LIN28B: variants seen among roughly 807,000 people sequenced by gnomAD.
The protein encoded by LIN28B is protein lin-28 homolog B.
Under a neutral mutation model 21.9 loss-of-function variants are expected in LIN28B, and 5 were observed. That is an observed-to-expected ratio of 0.23 (90% CI 0.12 to 0.48). The LOEUF is 0.48. Ranked by LOEUF, LIN28B falls within the 20% of genes least tolerant of loss-of-function variation. The probability of loss-of-function intolerance (pLI) is 0.98; values close to 1 mark genes in which losing one functional copy is unlikely to be tolerated. For missense variants in LIN28B, 245 were observed against 310.5 expected (o/e 0.79, Z 1.58); for synonymous variants, 109 against 111.3 (o/e 0.98, Z 0.13).
intron 3 of LIN28B, among the ~76,000 whole-genome samples, chr6:105,069,444 G>T (rs1237270891): frequency 1.3e-5 from 2 of 152,090 alleles, no homozygotes; most frequent in Non-Finnish European, 2.9e-5. Flanking sequence ...CTGTAAATTT[G>T]CTGGGTGCAG....
chr6:105,064,425 T>A (rs910434844), intron 3 of LIN28B, among the ~76,000 whole-genome samples: 2 of 152,196 alleles, frequency 1.3e-5, no homozygotes, highest in Admixed American at 6.5e-5. Flanking sequence ...AAAAATGATG[T>A]TGTATTTCTA....
chr6:104,949,058 C>G (rs1171106001), intron 2 of LIN28B, among the ~76,000 whole-genome samples: 1 of 151,168 alleles, frequency 6.6e-6, no homozygotes, highest in Non-Finnish European at 1.5e-5. Context: ...TTTAACAAAC[C>G]CTATCTATTG....
rs997418764 is a variant in LIN28B, at chr6:105,082,370, T to C, written c.*3587T>C. 5 of 152,642 alleles carry C rather than the reference T, an allele frequency of 3.3e-5. No homozygotes were observed. Among genetic ancestry groups the C allele is most frequent in the Non-Finnish European group, 7.3e-5 (5 of 68,046 alleles). 9.5% of individuals were successfully genotyped at this position (152,642 alleles called of 1,614,324 possible). The stretch of plus-strand genomic sequence containing the variant: ...CTGCTGGTTGTATTTAGTTTGTGAA[T>C]AGGAGCCCATAAGTGTTAATAGACT... On this transcript the variant is annotated 3_prime_UTR_variant, in exon 4 of 4. Transcript: ENST00000345080.
At chr6:105,067,919 C>T (rs1032128902) in intron 3 of LIN28B, among the ~76,000 whole-genome samples, 4 of 152,144 alleles carry the variant, frequency 2.6e-5, no homozygotes, top group African/African-American at 9.7e-5. Context: ...GTCTTGTTTG[C>T]TTTTAAAACT....
intron 3 of LIN28B, among the ~76,000 whole-genome samples, chr6:105,034,021 A>G (rs182777690): frequency 2.8e-4 from 42 of 151,962 alleles, no homozygotes; most frequent in Admixed American, 1.8e-3. Flanking sequence ...TTTTTTATAT[A>G]TAGTTTAAAT....
chr6:104,954,163 AAAAC>A (rs1236396194), upstream of LIN28B, among the ~76,000 whole-genome samples: 1 of 152,202 alleles, frequency 6.6e-6, no homozygotes, highest in African/African-American at 2.4e-5. Flanking sequence ...TTGCAGGAAT[AAAAC>A]ACCCCTTTTG....
chr6:104,955,990 A>G (rs541954392), upstream of LIN28B, among the ~76,000 whole-genome samples: 4 of 152,286 alleles, frequency 2.6e-5, no homozygotes, highest in East Asian at 7.7e-4. Flanking sequence ...CAGTTGAGGA[A>G]GGACAGTAGG....
intron 3 of LIN28B, among the ~76,000 whole-genome samples, chr6:105,068,452 A>G (rs1455578366): frequency 1.3e-5 from 2 of 152,166 alleles, no homozygotes; most frequent in Admixed American, 6.5e-5. Flanking sequence ...TTTTTTTAAA[A>G]ATTAGTTAAG....
intron 2 of LIN28B, among the ~76,000 whole-genome samples, chr6:104,998,933 A>G (rs114073721): frequency 0.022 from 3,311 of 152,258 alleles, 131 homozygotes; most frequent in African/African-American, 0.077. Flanking sequence ...AAGTAATTGA[A>G]AGGCCAATTG....
chr6:104,961,570 T>A (rs1769739965), intron 2 of LIN28B, among the ~76,000 whole-genome samples: 2 of 152,006 alleles, frequency 1.3e-5, no homozygotes, highest in Admixed American at 6.6e-5. Flanking sequence ...CTAGCTAATT[T>A]TTTGTATTTT....
Position 105,064,545 on chromosome 6 carries a change from C to T in LIN28B, c.384-13869C>T, listed in dbSNP as rs143936072. ...TCCACTGAAGCACAGCTTTCCCCCG[C>T]ACATATATTGCATTCATTCAAATTA... On this transcript the variant is annotated intron_variant, in intron 3 of 3. Coordinates refer to ENST00000345080, the MANE Select transcript of LIN28B (RefSeq NM_001004317.4). Among the ~76,000 whole-genome samples, 562 of 152,298 alleles carry T rather than the reference C, an allele frequency of 3.7e-3. 8 individuals are homozygous for T. Among genetic ancestry groups the T allele is most frequent in the African/African-American group, 0.013 (525 of 41,560 alleles).
At chr6:104,988,693 T>C (rs1386741899) in intron 2 of LIN28B, among the ~76,000 whole-genome samples, 1 of 150,728 alleles carries the variant, frequency 6.6e-6, no homozygotes, top group Admixed American at 6.7e-5. Context: ...TGCCTCCGCC[T>C]CCGCTTTGCG....
chr6:105,048,374 T>C (rs1771816030), intron 3 of LIN28B, among the ~76,000 whole-genome samples: 1 of 152,246 alleles, frequency 6.6e-6, no homozygotes, highest in Admixed American at 6.5e-5. Flanking sequence ...GAAGCCCATT[T>C]GATCATGGTG....
chr6:104,942,523 C>G (rs772246976), intron 2 of LIN28B, among the ~76,000 whole-genome samples: 1 of 148,894 alleles, frequency 6.7e-6, no homozygotes, highest in Non-Finnish European at 1.5e-5. Flanking sequence ...GAAATTTATG[C>G]CTTTTTTTCT....
At chr6:104,994,551 T>C (rs1446272913) in intron 2 of LIN28B, among the ~76,000 whole-genome samples, 1 of 152,218 alleles carries the variant, frequency 6.6e-6, no homozygotes, top group African/African-American at 2.4e-5. Context: ...ATAGATCCTG[T>C]TGGGAAAATT....
intron 3 of LIN28B, among the ~76,000 whole-genome samples, chr6:105,065,541 A>G (rs540932918): frequency 9.8e-4 from 150 of 152,364 alleles, no homozygotes; most frequent in African/African-American, 3.6e-3. Context: ...TTTACTTCTC[A>G]TTTATACTTC....
At chr6:105,078,326 T>G in intron 3 of LIN28B, 88 bp from the exon 4 acceptor site, 1 of 1,167,364 alleles carries the variant, frequency 8.6e-7, no homozygotes, top group African/African-American at 1.5e-5. Context: ...CTTATCTCAT[T>G]GGTAGTTTGT....
intron 2 of LIN28B, among the ~76,000 whole-genome samples, chr6:104,967,577 A>G: frequency 5.1e-4 from 2 of 3,930 alleles, no homozygotes; most frequent in Non-Finnish European, 8.5e-4. Context: ...ACTCCCTCTC[A>G]AAAAAAAAAA....
At chr6:105,064,442 A>G (rs138392804) in intron 3 of LIN28B, among the ~76,000 whole-genome samples, 99 of 152,320 alleles carry the variant, frequency 6.5e-4, no homozygotes, top group African/African-American at 2.3e-3. Flanking sequence ...TCTATCAGTT[A>G]TCAGTCATGG....
Sources: allele counts gnomAD v4.1 joint callset (sites outside exome capture counted in the v4.1 genomes callset), GRCh38; gene constraint gnomAD v4.1.1; transcripts MANE v1.5; gene names NCBI Gene and HGNC (gene_info 2026-07-23, HGNC 2026-07-21).